SMOC2: variants seen among roughly 807,000 people sequenced by gnomAD.
The protein encoded by SMOC2 is SPARC-related modular calcium-binding protein 2.
Under a neutral mutation model 61.4 loss-of-function variants are expected in SMOC2, and 39 were observed. The observed-to-expected ratio is 0.64, with a 90% CI of 0.49 to 0.83. SMOC2 has a LOEUF of 0.83. SMOC2 is among the 40% of genes least tolerant of loss of function. The pLI, the probability that SMOC2 is intolerant of heterozygous loss-of-function variation, is 0.00. For synonymous variants in SMOC2, 247 were observed against 239.9 expected (o/e 1.03, Z -0.27); for missense variants, 556 against 592.9 (o/e 0.94, Z 0.65).
intron 6 of SMOC2, among the ~76,000 whole-genome samples, chr6:168,548,524 T>A (rs7756682): frequency 0.055 from 2,338 of 42,742 alleles, 46 homozygotes; most frequent in African/African-American, 0.21. Flanking sequence ...CCCCTGGCTA[T>A]TTTTTTTTTT....
intron 9 of SMOC2, among the ~76,000 whole-genome samples, chr6:168,636,652 C>T (rs1301361613): frequency 6.6e-6 from 1 of 152,248 alleles, no homozygotes; most frequent in Admixed American, 6.5e-5. Context: ...GTCAAAGCTG[C>T]TGCTGGGCTA....
chr6:168,660,915 T>C (rs560411828), intron 11 of SMOC2, among the ~76,000 whole-genome samples: 1 of 152,266 alleles, frequency 6.6e-6, no homozygotes. Context: ...GTTAGAGTTC[T>C]CTTCTTCAGA....
At chr6:168,516,462 T>G (rs1018666610) in intron 2 of SMOC2, among the ~76,000 whole-genome samples, 6 of 151,944 alleles carry the variant, frequency 3.9e-5, no homozygotes, top group Non-Finnish European at 8.8e-5. Context: ...GCAGCTTCCT[T>G]GGAGATCTGA....
intron 1 of SMOC2, among the ~76,000 whole-genome samples, chr6:168,471,160 G>A (rs905247732): frequency 6.6e-6 from 1 of 152,044 alleles, no homozygotes; most frequent in African/African-American, 2.4e-5. Flanking sequence ...TATAACTGTC[G>A]CACAACCGAT....
At chr6:168,583,559 CT>C (rs111419652) in intron 7 of SMOC2, among the ~76,000 whole-genome samples, 3,686 of 152,300 alleles carry the variant, frequency 0.024, 131 homozygotes, top group African/African-American at 0.084. Context: ...GTCTGACCCC[CT>C]GTCTCTCATC....
chr6:168,657,622 C>T (rs1787360473), intron 11 of SMOC2, among the ~76,000 whole-genome samples: 1 of 152,178 alleles, frequency 6.6e-6, no homozygotes, highest in Admixed American at 6.5e-5. Flanking sequence ...CCATTTTGTG[C>T]TGCTATAACA....
intron 4 of SMOC2, among the ~76,000 whole-genome samples, chr6:168,534,227 G>A (rs928166891): frequency 2.0e-5 from 3 of 152,164 alleles, no homozygotes; most frequent in African/African-American, 7.2e-5. Context: ...CATCCATGAT[G>A]ACATAAAATA....
chr6:168,581,876 G>T (rs753791450), intron 7 of SMOC2, among the ~76,000 whole-genome samples: 2 of 151,954 alleles, frequency 1.3e-5, no homozygotes, highest in Admixed American at 1.3e-4. Context: ...CGCCTTCACC[G>T]CTGACTTCAG....
In SMOC2 at chr6:168,635,261, C is replaced by T. The variant is rs116187861; in HGVS notation, c.908-15420C>T. Among the ~76,000 whole-genome samples the T allele has an allele frequency of 1.6e-3, 248 of 152,304 alleles. 3 individuals carry two copies. The highest frequency in any genetic ancestry group is 5.4e-3 in the African/African-American group (224 of 41,568). ...GGATAAAGGGTGTTCACCAGACGTA[C>T]GCCGGACATCGAGCAGTTTATCATC... On this transcript the variant is annotated intron_variant, in intron 9 of 12. Coordinates refer to ENST00000356284, the MANE Select transcript of SMOC2 (RefSeq NM_001166412.2).
Position 168,510,393 on chromosome 6 carries a change from ATTTTTCT to A in SMOC2, c.256+312_256+318del, listed in dbSNP as rs148490131. On this transcript the variant is annotated intron_variant, in intron 2 of 12. Coordinates refer to ENST00000356284, the MANE Select transcript of SMOC2 (RefSeq NM_001166412.2). ...AATAAGATTTCTTTCTTTCTTTCTC[ATTTTTCT>A]TTTTAGCAAGTGGGATGTGTACAAT... Among the ~76,000 whole-genome samples, 218 of 151,528 alleles carry A rather than the reference ATTTTTCT, an allele frequency of 1.4e-3. 1 individual carries two copies. Among genetic ancestry groups the A allele is most frequent in the African/African-American group, 5.2e-3 (214 of 41,248 alleles).
chr6:168,559,348 A>G (rs1224535586), intron 7 of SMOC2, among the ~76,000 whole-genome samples: 1 of 151,954 alleles, frequency 6.6e-6, no homozygotes, highest in African/African-American at 2.4e-5. Flanking sequence ...CCAGATACTC[A>G]GGAGGCTGAG....
intron 9 of SMOC2, among the ~76,000 whole-genome samples, chr6:168,618,476 G>A (rs2115227144): frequency 6.6e-6 from 1 of 150,974 alleles, no homozygotes; most frequent in East Asian, 2.0e-4. Context: ...GGAGAGGCGG[G>A]TAGTGGCATT....
chr6:168,537,485 A>G (rs971720240), intron 4 of SMOC2, among the ~76,000 whole-genome samples: 2 of 152,240 alleles, frequency 1.3e-5, no homozygotes, highest in African/African-American at 4.8e-5. Context: ...CTGTCCTAAT[A>G]CAGCACTCTG....
At chr6:168,490,188 G>A (rs1782441030) in intron 1 of SMOC2, among the ~76,000 whole-genome samples, 1 of 146,740 alleles carries the variant, frequency 6.8e-6, no homozygotes, top group Non-Finnish European at 1.5e-5. Context: ...ATATCAAATT[G>A]TCTGGGTCCC....
At chr6:168,536,790 C>A (rs1172090440) in intron 4 of SMOC2, among the ~76,000 whole-genome samples, 1 of 152,154 alleles carries the variant, frequency 6.6e-6, no homozygotes, top group Non-Finnish European at 1.5e-5. Flanking sequence ...ACAAGGAGTG[C>A]GTGCAAGTCC....
At chr6:168,525,061 G>T (rs552502104) in intron 2 of SMOC2, among the ~76,000 whole-genome samples, 1 of 152,224 alleles carries the variant, frequency 6.6e-6, no homozygotes, top group Non-Finnish European at 1.5e-5. Flanking sequence ...GAGTCGAGAC[G>T]GCCTTTGTGC....
chr6:168,464,209 GGAAGAA>G (rs1781775945), intron 1 of SMOC2, among the ~76,000 whole-genome samples: 10 of 145,214 alleles, frequency 6.9e-5, no homozygotes, highest in African/African-American at 2.0e-4. Context: ...AAAAGAGGAA[GGAAGAA>G]AGGAAGGAAG....
chr6:168,498,531 T>C (rs1300242826), intron 1 of SMOC2, among the ~76,000 whole-genome samples: 1 of 152,176 alleles, frequency 6.6e-6, no homozygotes, highest in African/African-American at 2.4e-5. Flanking sequence ...GTAAAAGAGG[T>C]CAGGTCATTG....
intron 11 of SMOC2, among the ~76,000 whole-genome samples, chr6:168,654,284 A>AG (rs1787279951): frequency 2.0e-5 from 1 of 50,380 alleles, no homozygotes. Context: ...AGCTCCAACC[A>AG]AATGTTAGGA....
Sources: gnomAD v4.1 joint callset for allele counts (sites outside exome capture counted in the v4.1 genomes callset) on GRCh38, gnomAD v4.1.1 for gene constraint, MANE v1.5 for transcripts, NCBI Gene and HGNC (gene_info 2026-07-23, HGNC 2026-07-21) for gene names.